Variants in HOXC11 observed in about 807,000 individuals in gnomAD.
The protein encoded by HOXC11 is homeobox C11, also known as homeobox protein Hox-C11.
In HOXC11, 17 loss-of-function variants were observed where a neutral mutation model predicts 23.6. The ratio of observed to expected loss-of-function variants is 0.72; its 90% CI spans 0.49 to 1.08. The LOEUF is 1.08. Ranked by LOEUF, HOXC11 falls within the 50% of genes least tolerant of loss-of-function variation. The pLI, the probability that HOXC11 is intolerant of heterozygous loss-of-function variation, is 0.00. For synonymous variants in HOXC11, 196 were observed against 183.8 expected (o/e 1.07, Z -0.54); for missense variants, 413 against 412.1 (o/e 1.00, Z -0.02).
Position 53,973,299 on chromosome 12 carries a change from G to A in HOXC11, c.58G>A (p.Ala20Thr). ...CTCTCCGTCGCGCAAGGAGAGGGGC[G>A]CAGATTTCGGCGAGCGAGGGAGCTG... ...FCSPSRKERG[A>T]DFGERGSCAS... Residue 20 changes from alanine (A) to threonine (T), a missense_variant, in exon 1 of 2, where the codon GCA becomes ACA. Physicochemically the swap from Ala to Thr is moderately conservative, Grantham distance 58. Transcript: ENST00000546378. The surrounding 1 kb of genome is among the most constrained non-coding windows in gnomAD (Gnocchi z 4.3). The A allele has an allele frequency of 1.2e-6, 2 of 1,613,812 alleles. No homozygotes were observed. Among genetic ancestry groups the A allele is most frequent in the Non-Finnish European group, 8.5e-7 (1 of 1,179,992 alleles).
In HOXC11 at chr12:53,975,352, T is replaced by C; in HGVS notation, c.854T>C (p.Met285Thr). ...QVKIWFQNRR[M>T]KEKKLSRDRL... ...AAAATTTGGTTTCAGAACAGAAGGATGAAAGAAAAGAAACTGAGCAGAGAC... is the reference window on the plus strand; with the variant it reads ...AAAATTTGGTTTCAGAACAGAAGGACGAAAGAAAAGAAACTGAGCAGAGAC... Residue 285 changes from methionine to threonine, a missense_variant, in exon 2 of 2, where the codon ATG (methionine) becomes ACG (threonine). Met to Thr is a moderately conservative substitution (Grantham distance 81). Coordinates refer to ENST00000546378, the MANE Select transcript of HOXC11 (RefSeq NM_014212.4). The C allele has an allele frequency of 6.2e-7, 1 of 1,613,242 alleles. No individual in the cohort carries two copies. Among genetic ancestry groups the C allele is most frequent in the Non-Finnish European group, 8.5e-7 (1 of 1,179,782 alleles).
chr12:53,976,379 T>G lies in HOXC11; in HGVS notation c.*966T>G, dbSNP rs1011577381. 4.8e-6 allele frequency: 1 copy of G among 209,358 alleles called. No individual in the cohort carries two copies. The highest frequency in any genetic ancestry group is 7.1e-5 in the East Asian group (1 of 14,010). 13.0% of individuals were successfully genotyped at this position (209,358 alleles called of 1,614,324 possible). A position where few individuals can be genotyped will look rare whatever the true frequency, so the allele number is the denominator to read the frequency against. ...CCTTCCCAGAGGGATTGCTGTGAAA[T>G]TTTTTTGGTGGCAAATAAAGATAAA... On this transcript the variant is annotated 3_prime_UTR_variant, in exon 2 of 2. Coordinates refer to ENST00000546378, the MANE Select transcript of HOXC11 (RefSeq NM_014212.4).
At position 53,975,358 on chromosome 12, in the gene HOXC11, A is replaced by C. The variant is rs1214018234; in HGVS notation, c.860A>C (p.Glu287Ala). The change falls in exon 2 of 2, where the codon GAA becomes GCA. Residue 287 changes from glutamate to alanine, a missense_variant. By Grantham distance (107) the Glu-to-Ala change is moderately radical (BLOSUM62 -1). Transcript: ENST00000546378. ...KIWFQNRRMKEKKLSRDRLQY... is the reference protein window; with the variant it reads ...KIWFQNRRMKAKKLSRDRLQY... ...TGGTTTCAGAACAGAAGGATGAAAG[A>C]AAAGAAACTGAGCAGAGACCGGCTG... The C allele has an allele frequency of 6.2e-7, 1 of 1,613,770 alleles. No individual in the cohort carries two copies. Among genetic ancestry groups the C allele is most frequent in the Non-Finnish European group, 8.5e-7 (1 of 1,179,958 alleles).
chr12:53,975,577 G>A lies in HOXC11; in HGVS notation c.*164G>A. 1.5e-6 allele frequency: 1 copy of A among 681,684 alleles called. No homozygotes were observed. Among genetic ancestry groups the A allele is most frequent in the Non-Finnish European group, 2.6e-6 (1 of 381,250 alleles). 42.2% of individuals were successfully genotyped at this position (681,684 alleles called of 1,614,324 possible). On this transcript the variant is annotated 3_prime_UTR_variant, in exon 2 of 2. Coordinates refer to ENST00000546378, the MANE Select transcript of HOXC11 (RefSeq NM_014212.4). ...CGGCACTCCATTCCGGAACCTCCTGGACCCTCTATCTGACTCTCGCTGTGG... is the reference window on the plus strand; with the variant it reads ...CGGCACTCCATTCCGGAACCTCCTGAACCCTCTATCTGACTCTCGCTGTGG...
At chr12:53,974,111 C>G (rs1777156290) in intron 1 of HOXC11, among the ~76,000 whole-genome samples, 188 bp downstream of exon 1, 1 of 151,866 alleles carries the variant, frequency 6.6e-6, no homozygotes, top group African/African-American at 2.4e-5. Context: ...CCCAACGACT[C>G]GACTTTTTAC....
At position 53,975,319 on chromosome 12, in the gene HOXC11, G is replaced by T. The variant is rs747881784; in HGVS notation, c.821G>T (p.Arg274Leu). ...QLSRMLNLTD[R>L]QVKIWFQNRR... The stretch of plus-strand genomic sequence containing the variant: ...TCCCGGATGCTGAACCTGACGGACC[G>T]ACAAGTGAAAATTTGGTTTCAGAAC... Residue 274 changes from arginine to leucine, a missense_variant, in exon 2 of 2, where the codon CGA becomes CTA. Arg to Leu is a moderately radical substitution (Grantham distance 102). Transcript: ENST00000546378. 12 of 1,613,730 alleles carry T rather than the reference G, an allele frequency of 7.4e-6. No individual in the cohort carries two copies. Among genetic ancestry groups the T allele is most frequent in the Admixed American group, 1.7e-5 (1 of 59,996 alleles).
chr12:53,975,232 G>A lies in HOXC11; in HGVS notation c.734G>A (p.Arg245Gln), dbSNP rs1254280214. ...KRCPYSKFQI[R>Q]ELEREFFFNV... The stretch of plus-strand genomic sequence containing the variant: ...TGCCCTTATTCGAAATTCCAGATCC[G>A]GGAACTGGAGCGAGAGTTTTTCTTC... The change falls in exon 2 of 2, where the codon CGG becomes CAG. Residue 245 changes from arginine (R) to glutamine (Q), a missense_variant. By Grantham distance (43) the Arg-to-Gln change is conservative. Coordinates refer to ENST00000546378, the MANE Select transcript of HOXC11 (RefSeq NM_014212.4). 1 of 1,612,082 alleles carries A rather than the reference G, an allele frequency of 6.2e-7. No individual in the cohort carries two copies. The highest frequency in any genetic ancestry group is 1.3e-5 in the African/African-American group (1 of 74,714).
chr12:53,975,190 G>A lies in HOXC11; in HGVS notation c.692G>A (p.Arg231His). The A allele has an allele frequency of 1.5e-6, 2 of 1,305,430 alleles. No homozygotes were observed. Among genetic ancestry groups the A allele is most frequent in the Non-Finnish European group, 1.0e-6 (1 of 1,001,492 alleles). The allele number at this position is 1,305,430 out of a possible 1,614,324, so 80.9% of individuals were successfully genotyped here. The change falls in exon 2 of 2, where the codon CGC (arginine) becomes CAC (histidine). Residue 231 changes from arginine to histidine, a missense_variant. By Grantham distance (29) the Arg-to-His change is conservative. Coordinates refer to ENST00000546378, the MANE Select transcript of HOXC11 (RefSeq NM_014212.4). ...PAKGAAPNAP[R>H]TRKKRCPYSK... is the part of the protein sequence containing the mutation. ...CCTCCCCTCCCTCCAGACGCCCCCC[G>A]CACCCGCAAGAAGCGCTGCCCTTAT...
In HOXC11 at chr12:53,973,467, G is replaced by T; in HGVS notation, c.226G>T (p.Gly76Cys). The part of the protein sequence containing the change: ...QVPPVREVSY[G>C]LEPSGKWHHR... ...GCCCCCGGTCCGGGAGGTCTCCTAC[G>T]GCCTGGAGCCATCCGGCAAGTGGCA... Residue 76 changes from glycine to cysteine, a missense_variant, in exon 1 of 2, where the codon GGC (glycine) becomes TGC (cysteine). Transcript: ENST00000546378. This position sits in a 1 kb window ranked among gnomAD's most constrained non-coding sequence, Gnocchi z 4.3. The T allele has an allele frequency of 6.2e-7, 1 of 1,613,934 alleles. No homozygotes were observed. The highest frequency in any genetic ancestry group is 8.5e-7 in the Non-Finnish European group (1 of 1,179,994).
At position 53,973,309 on chromosome 12, in the gene HOXC11, G is replaced by A. The variant is rs754436960; in HGVS notation, c.68G>A (p.Gly23Asp). The A allele has an allele frequency of 1.2e-6, 2 of 1,613,876 alleles. No homozygotes were observed. The highest frequency in any genetic ancestry group is 1.3e-5 in the African/African-American group (1 of 74,930). Residue 23 changes from glycine to aspartate, a missense_variant, in exon 1 of 2, where the codon GGC becomes GAC. By Grantham distance (94) the Gly-to-Asp change is moderately conservative (BLOSUM62 -1). Transcript: ENST00000546378. This position sits in a 1 kb window ranked among gnomAD's most constrained non-coding sequence, Gnocchi z 4.3. ...PSRKERGADF[G>D]ERGSCASNLY... ...CGCAAGGAGAGGGGCGCAGATTTCG[G>A]CGAGCGAGGGAGCTGCGCCTCCAAC...
Position 53,976,127 on chromosome 12 carries a change from C to CTTTTTTTT in HOXC11, c.*723_*730dup, listed in dbSNP as rs768935038. The CTTTTTTTT allele has an allele frequency of 1.5e-3, 267 of 181,102 alleles. 1 individual carries two copies. Among genetic ancestry groups the CTTTTTTTT allele is most frequent in the African/African-American group, 5.3e-3 (189 of 35,904 alleles). 11.2% of individuals were successfully genotyped at this position (181,102 alleles called of 1,614,324 possible). A position where few individuals can be genotyped will look rare whatever the true frequency, so the allele number is the denominator to read the frequency against. ...GCTATAGTCTATGCAGTCGTTACCT[C>CTTTTTTTT]TTTTTTTTTTTTTTTTAAGAAAATT... On this transcript the variant is annotated 3_prime_UTR_variant, in exon 2 of 2. Transcript: ENST00000546378.
At position 53,975,773 on chromosome 12, in the gene HOXC11, G is replaced by A. The variant is rs1046964170; in HGVS notation, c.*360G>A. ...GGCGACAGTAGTGAGCGCCTGAGCC[G>A]AACAATCCTCGAACTAAAAGCCTTC... On this transcript the variant is annotated 3_prime_UTR_variant, in exon 2 of 2. Transcript: ENST00000546378. 59 of 497,110 alleles carry A rather than the reference G, an allele frequency of 1.2e-4. No homozygotes were observed. The highest frequency in any genetic ancestry group is 6.7e-5 in the Non-Finnish European group (19 of 284,666). 30.8% of individuals were successfully genotyped at this position (497,110 alleles called of 1,614,324 possible). A position where few individuals can be genotyped will look rare whatever the true frequency, so the allele number is the denominator to read the frequency against.
Position 53,973,676 on chromosome 12 carries a change from C to G in HOXC11, c.435C>G (p.Ser145Arg), listed in dbSNP as rs1939190546. ...AGFYSSVNKN[S>R]VLPQAFDRFF... is the part of the protein sequence containing the mutation. ...TCTACTCCTCAGTCAACAAGAACAG[C>G]GTCCTGCCTCAAGCCTTCGACCGTT... is the stretch of plus-strand genomic sequence containing the variant. The change falls in exon 1 of 2, where the codon AGC becomes AGG. Residue 145 changes from serine to arginine, a missense_variant. Transcript: ENST00000546378. The surrounding 1 kb of genome is among the most constrained non-coding windows in gnomAD (Gnocchi z 4.3). The G allele has an allele frequency of 4.3e-6, 7 of 1,613,746 alleles. No homozygotes were observed. The highest frequency in any genetic ancestry group is 1.7e-5 in the Admixed American group (1 of 60,028).
chr12:53,974,820 A>G (rs555636251), intron 1 of HOXC11: 131 of 193,774 alleles, frequency 6.8e-4, no homozygotes, highest in African/African-American at 3.0e-3. Flanking sequence ...GGCTTTCCGA[A>G]CCACTAGGAG....
rs1592197249 is a variant in HOXC11 at position 53,975,710 on chromosome 12, G to C, written c.*297G>C. On this transcript the variant is annotated 3_prime_UTR_variant, in exon 2 of 2. Transcript: ENST00000546378. ...TTTGATTTAAAAGAAAACACACCTCGGCGACAATGTCTTGCTGCTCGGATT... is the reference window on the plus strand; with the variant it reads ...TTTGATTTAAAAGAAAACACACCTCCGCGACAATGTCTTGCTGCTCGGATT... The C allele has an allele frequency of 3.6e-6, 2 of 553,358 alleles. No individual in the cohort carries two copies. The highest frequency in any genetic ancestry group is 6.4e-6 in the Non-Finnish European group (2 of 314,504). The allele number at this position is 553,358 out of a possible 1,614,324, so 34.3% of individuals were successfully genotyped here. A position where few individuals can be genotyped will look rare whatever the true frequency, so the allele number is the denominator to read the frequency against.
In HOXC11 at chr12:53,973,605, G is replaced by T. The variant is rs372700015; in HGVS notation, c.364G>T (p.Gly122Cys). The T allele has an allele frequency of 5.0e-6, 8 of 1,613,066 alleles. No homozygotes were observed. The highest frequency in any genetic ancestry group is 1.1e-5 in the South Asian group (1 of 91,024). ...CCTCATGAAAAACGAAGGCTCCTAC[G>T]GCGGCCACCACCACCCCAGCGCCCC... Reference protein sequence around the residue: ...EILMKNEGSYGGHHHPSAPHA... With the variant: ...EILMKNEGSYCGHHHPSAPHA... Residue 122 changes from glycine (G) to cysteine (C), a missense_variant, in exon 1 of 2, where the codon GGC becomes TGC. Transcript: ENST00000546378. The surrounding 1 kb of genome is among the most constrained non-coding windows in gnomAD (Gnocchi z 4.3).
chr12:53,974,133 G>T (rs1055607770), intron 1 of HOXC11, among the ~76,000 whole-genome samples: 1 of 152,180 alleles, frequency 6.6e-6, no homozygotes, highest in Non-Finnish European at 1.5e-5. Context: ...ATGGAGAAGG[G>T]GTGGGGAGGG....
rs1295048728 is a variant in HOXC11, at chr12:53,976,585, C to T, written c.*1172C>T. 1.8e-5 allele frequency: 3 copies of T among 166,398 alleles called. No individual in the cohort carries two copies. The highest frequency in any genetic ancestry group is 4.8e-5 in the African/African-American group (2 of 41,802). 10.3% of individuals were successfully genotyped at this position (166,398 alleles called of 1,614,324 possible). On this transcript the variant is annotated 3_prime_UTR_variant, in exon 2 of 2. Coordinates refer to ENST00000546378, the MANE Select transcript of HOXC11 (RefSeq NM_014212.4). ...GTGCTAGCCGGCCTGGAGCTCCTCT[C>T]CGCTGGCAGGGCCAAGAGTATGGCC...
intron 1 of HOXC11, chr12:53,974,944 G>A (rs1351002529): frequency 1.9e-6 from 1 of 524,384 alleles, no homozygotes; most frequent in African/African-American, 2.0e-5. Flanking sequence ...CGCGGCTCTC[G>A]CCTGAGAACT....
Sources: allele counts gnomAD v4.1 joint callset (sites outside exome capture counted in the v4.1 genomes callset), GRCh38; gene constraint gnomAD v4.1.1; non-coding constraint Gnocchi (gnomAD v3.1); transcripts MANE v1.5; gene names NCBI Gene and HGNC (gene_info 2026-07-23, HGNC 2026-07-21).